SCFD2: variants seen among roughly 807,000 people sequenced by gnomAD.
The protein encoded by SCFD2 is sec1 family domain-containing protein 2.
A neutral mutation model predicts 58.9 loss-of-function variants in SCFD2; 54 were observed. The observed-to-expected ratio is 0.92, with a 90% CI of 0.74 to 1.15. The LOEUF is 1.15. SCFD2 is among the 50% of genes most tolerant of loss of function. SCFD2 has a pLI of 0.00. For synonymous variants in SCFD2, 321 were observed against 335.9 expected, an observed-to-expected ratio of 0.96 and a Z score of 0.49; for missense variants, 805 against 836.6, an observed-to-expected ratio of 0.96 and a Z score of 0.47.
chr4:52,939,159 T>C (rs1720222792), intron 5 of SCFD2, among the ~76,000 whole-genome samples: 1 of 152,094 alleles, frequency 6.6e-6, no homozygotes, highest in African/African-American at 2.4e-5. Context: ...ACCTAACAGA[T>C]ACAAATGCCA....
intron 4 of SCFD2, among the ~76,000 whole-genome samples, chr4:53,190,581 G>A (rs551886603): frequency 5.9e-5 from 9 of 152,034 alleles, no homozygotes; most frequent in East Asian, 5.8e-4. Context: ...ATTTATCCAC[G>A]GCATTATACT....
chr4:53,274,025 T>G (rs1731257463), intron 3 of SCFD2, 24 bp from the exon 4 acceptor site: 1 of 1,585,960 alleles, frequency 6.3e-7, no homozygotes, highest in African/African-American at 1.3e-5. Context: ...AATTTATCAG[T>G]GTACCCCCTT....
At chr4:53,184,430 C>T (rs1056922428) in intron 4 of SCFD2, among the ~76,000 whole-genome samples, 6 of 152,164 alleles carry the variant, frequency 3.9e-5, no homozygotes, top group African/African-American at 9.6e-5. Flanking sequence ...ACAGCTATTT[C>T]GGACCACAAA....
At chr4:53,279,948 T>C (rs1288986273) in intron 3 of SCFD2, among the ~76,000 whole-genome samples, 3 of 152,184 alleles carry the variant, frequency 2.0e-5, no homozygotes, top group Non-Finnish European at 4.4e-5. Context: ...CCACCTGGTC[T>C]CTCCCTGGGG....
At chr4:53,359,624 T>G (rs2149172112) in intron 1 of SCFD2, among the ~76,000 whole-genome samples, 1 of 152,340 alleles carries the variant, frequency 6.6e-6, no homozygotes, top group South Asian at 2.1e-4. Context: ...TTTTTTTTGC[T>G]TCAGCTGTCA....
At chr4:53,000,416 G>A (rs753032240) in intron 5 of SCFD2, among the ~76,000 whole-genome samples, 2 of 152,164 alleles carry the variant, frequency 1.3e-5, no homozygotes, top group Non-Finnish European at 2.9e-5. Flanking sequence ...ACAAGTGGCT[G>A]GAGCTGCTCC....
At chr4:53,162,757 A>G (rs1371039965) in intron 4 of SCFD2, among the ~76,000 whole-genome samples, 1 of 151,930 alleles carries the variant, frequency 6.6e-6, no homozygotes, top group Non-Finnish European at 1.5e-5. Context: ...CTAAATGATG[A>G]GTTAATGGGT....
At chr4:53,252,322 C>G (rs1379649600) in intron 4 of SCFD2, among the ~76,000 whole-genome samples, 1 of 149,954 alleles carries the variant, frequency 6.7e-6, no homozygotes, top group Non-Finnish European at 1.5e-5. Context: ...AGGTAATTTA[C>G]AGATTCAGTG....
chr4:52,937,544 C>T (rs182972502), intron 5 of SCFD2, among the ~76,000 whole-genome samples: 1 of 152,312 alleles, frequency 6.6e-6, no homozygotes, highest in Admixed American at 6.5e-5. Context: ...AATGTCTCCT[C>T]CATCCCTTCC....
chr4:53,066,965 A>T (rs1396254113), intron 5 of SCFD2, among the ~76,000 whole-genome samples: 3 of 151,856 alleles, frequency 2.0e-5, no homozygotes, highest in African/African-American at 7.3e-5. Context: ...TGCCATTAAA[A>T]CCCTAGAACC....
At chr4:53,186,573 C>T (rs1418741374) in intron 4 of SCFD2, among the ~76,000 whole-genome samples, 1 of 152,032 alleles carries the variant, frequency 6.6e-6, no homozygotes, top group African/African-American at 2.4e-5. Context: ...AAGCAACAAG[C>T]AGTTATTCTG....
At chr4:52,984,591 C>T (rs1417066077) in intron 5 of SCFD2, among the ~76,000 whole-genome samples, 1 of 152,172 alleles carries the variant, frequency 6.6e-6, no homozygotes, top group East Asian at 1.9e-4. Flanking sequence ...TAAGAGTGAC[C>T]ATTATATAAT....
chr4:53,211,654 A>G (rs1728616567), intron 4 of SCFD2, among the ~76,000 whole-genome samples: 1 of 152,100 alleles, frequency 6.6e-6, no homozygotes, highest in African/African-American at 2.4e-5. Flanking sequence ...GATGATGCTC[A>G]GCTGGTGTCC....
intron 3 of SCFD2, among the ~76,000 whole-genome samples, chr4:53,299,939 C>T (rs979175645): frequency 5.9e-5 from 9 of 152,146 alleles, no homozygotes. Context: ...AAAAGAGCTC[C>T]TGAAGGAAGC....
chr4:53,361,598 T>A (rs531337272), intron 1 of SCFD2, among the ~76,000 whole-genome samples: 2 of 152,296 alleles, frequency 1.3e-5, no homozygotes, highest in African/African-American at 4.8e-5. Context: ...GGTCTTACTC[T>A]GTTGCCCAGG....
In SCFD2 at chr4:53,153,331, G is replaced by A. The variant is rs532698451; in HGVS notation, c.1312-7749C>T. On this transcript the variant is annotated intron_variant, in intron 4 of 8. Coordinates refer to ENST00000401642, the MANE Select transcript of SCFD2 (RefSeq NM_152540.4). ...AGCCTGCTTCACTCATGCACTCTGCGTGCCTACAGTCTTAAAACCATGTGA... is the reference window on the plus strand; with the variant it reads ...AGCCTGCTTCACTCATGCACTCTGCATGCCTACAGTCTTAAAACCATGTGA... 1.6e-4 allele frequency among the ~76,000 whole-genome samples: 24 copies of A among 152,310 alleles called. No individual in the cohort carries two copies. The East Asian group carries it at 3.1e-3, about 20-fold the overall frequency.
At position 52,901,165 on chromosome 4, in the gene SCFD2, G is replaced by A. The variant is rs553277020; in HGVS notation, c.1842+6292C>T. 9.2e-5 allele frequency among the ~76,000 whole-genome samples: 14 copies of A among 152,314 alleles called. No homozygotes were observed. In the South Asian group the frequency reaches 1.0e-3, roughly 11 times the overall value. ...ACCCAGTGTCCTGCACCCGCTGTCC[G>A]GCATTCCCTCGTGAGATGAACCCGG... is the stretch of plus-strand genomic sequence containing the variant. On this transcript the variant is annotated intron_variant, in intron 7 of 8. Coordinates refer to ENST00000401642, the MANE Select transcript of SCFD2 (RefSeq NM_152540.4).
chr4:53,342,241 C>A (rs1349441771), intron 2 of SCFD2, among the ~76,000 whole-genome samples: 1 of 151,664 alleles, frequency 6.6e-6, no homozygotes, highest in Non-Finnish European at 1.5e-5. Flanking sequence ...CACACAGGCT[C>A]AAAACAAAGG....
chr4:53,157,083 T>C (rs75755525), intron 4 of SCFD2, among the ~76,000 whole-genome samples: 1 of 152,248 alleles, frequency 6.6e-6, no homozygotes, highest in Admixed American at 6.5e-5. Context: ...AACTTATATA[T>C]GCCATTGCCA....
Sources: allele counts gnomAD v4.1 joint callset (sites outside exome capture counted in the v4.1 genomes callset), GRCh38; gene constraint gnomAD v4.1.1; transcripts MANE v1.5; gene names NCBI Gene and HGNC (gene_info 2026-07-23, HGNC 2026-07-21).